BMP2K: variants seen among roughly 807,000 people sequenced by gnomAD.
BMP2K encodes the protein BMP-2-inducible protein kinase.
BMP2K carries 74 observed loss-of-function variants against 116.0 expected under a neutral mutation model. That is an observed-to-expected ratio of 0.64 (90% CI 0.53 to 0.77). The LOEUF (loss-of-function observed/expected upper bound fraction) is 0.77, where lower values mean the gene tolerates loss of function less well. Ranked by LOEUF, BMP2K falls within the 30% of genes least tolerant of loss-of-function variation. BMP2K has a pLI of 0.00. For missense variants in BMP2K, 1,365 were observed against 1,403.6 expected (o/e 0.97, Z 0.44); for synonymous variants, 486 against 502.5 (o/e 0.97, Z 0.44).
chr4:78,896,489 T>G (rs1337021882), intron 15 of BMP2K, among the ~76,000 whole-genome samples: 2 of 152,140 alleles, frequency 1.3e-5, no homozygotes, highest in Non-Finnish European at 2.9e-5. Context: ...GGGGTAATAG[T>G]CCATAACATG....
At chr4:78,837,937 C>T (rs1177343661) in intron 3 of BMP2K, among the ~76,000 whole-genome samples, 3 of 152,176 alleles carry the variant, frequency 2.0e-5, no homozygotes, top group Non-Finnish European at 4.4e-5. Flanking sequence ...CCAGTGTGGC[C>T]AGCTAATGTT....
At chr4:78,909,044 C>T (rs1388759805) in intron 15 of BMP2K, among the ~76,000 whole-genome samples, 1 of 149,674 alleles carries the variant, frequency 6.7e-6, no homozygotes, top group Non-Finnish European at 1.5e-5. Flanking sequence ...CCCTTCTTAC[C>T]TTCCCTTAGT....
rs201525858 is a variant in BMP2K, at chr4:78,850,193, AG to A, written c.751-730del. ...CTTAAATTTGAGCTGTTAGCACCTT[AG>A]CTAGAAATTTCCTGTGCTACTTTTA... On this transcript the variant is annotated intron_variant, in intron 6 of 15. Coordinates refer to ENST00000502613, the MANE Select transcript of BMP2K (RefSeq NM_198892.2). 5.6e-3 allele frequency among the ~76,000 whole-genome samples: 852 copies of A among 151,932 alleles called. 11 individuals carry two copies. The highest frequency in any genetic ancestry group is 0.019 in the African/African-American group (806 of 41,508).
chr4:78,879,817 A>G (rs977472203), intron 14 of BMP2K: 3 of 152,152 alleles, frequency 2.0e-5, no homozygotes, highest in Non-Finnish European at 4.4e-5. Context: ...CTGAATTGGT[A>G]TATATTTTAT....
chr4:78,841,879 A>G (rs947795732), intron 3 of BMP2K, among the ~76,000 whole-genome samples: 5 of 152,062 alleles, frequency 3.3e-5, no homozygotes, highest in African/African-American at 1.2e-4. Flanking sequence ...TCACTTCCTT[A>G]GACCTGATCT....
At chr4:78,812,325 T>C (rs1044820720) in intron 1 of BMP2K, among the ~76,000 whole-genome samples, 1 of 152,202 alleles carries the variant, frequency 6.6e-6, no homozygotes, top group Admixed American at 6.5e-5. Flanking sequence ...TTCTCTCAGC[T>C]ATAAATGATG....
intron 14 of BMP2K, among the ~76,000 whole-genome samples, chr4:78,886,224 C>T (rs955362401): frequency 6.6e-6 from 1 of 152,130 alleles, no homozygotes; most frequent in Non-Finnish European, 1.5e-5. Flanking sequence ...TATATCAACT[C>T]AAAACACACC....
chr4:78,819,423 G>A (rs545491535), intron 1 of BMP2K, among the ~76,000 whole-genome samples: 1 of 152,290 alleles, frequency 6.6e-6, no homozygotes, highest in South Asian at 2.1e-4. Context: ...ACCATTTATG[G>A]AATGAATTGT....
rs1334116267 is a variant in BMP2K, at chr4:78,911,001, T to C, written c.2454T>C (p.Ser818=). The C allele has an allele frequency of 4.3e-6, 7 of 1,613,676 alleles. No individual in the cohort carries two copies. In the Admixed American group the frequency reaches 1.2e-4, roughly 27 times the overall value. The change falls in exon 16 of 16, where the codon TCT becomes TCC. Residue 818 remains serine (S), a synonymous_variant. Transcript: ENST00000502613. ...QAKAKYSDMS[S]VYRDRSGSGP... Reference sequence around the variant, plus strand: ...AAGCAAAGTACAGTGACATGAGCTCTGTCTACAGAGACAGATCTGGCAGTG... The same window carrying C: ...AAGCAAAGTACAGTGACATGAGCTCCGTCTACAGAGACAGATCTGGCAGTG...
chr4:78,879,576 G>A (rs1732798676), intron 14 of BMP2K: 3 of 325,078 alleles, frequency 9.2e-6, no homozygotes, highest in African/African-American at 2.2e-5. Flanking sequence ...CCAAATAGGA[G>A]CAAAAAGCTC....
intron 3 of BMP2K, among the ~76,000 whole-genome samples, chr4:78,837,148 A>G (rs969717072): frequency 1.3e-5 from 2 of 151,312 alleles, no homozygotes; most frequent in Non-Finnish European, 2.9e-5. Context: ...GCTCTTCTAT[A>G]GAATTTTGTA....
intron 14 of BMP2K, among the ~76,000 whole-genome samples, chr4:78,885,883 G>T (rs964855955): frequency 9.2e-5 from 14 of 152,126 alleles, no homozygotes; most frequent in African/African-American, 2.7e-4. Context: ...TAGAGACAGA[G>T]TCTCTCTGTC....
chr4:78,802,768 C>CT (rs1214250450), intron 1 of BMP2K, among the ~76,000 whole-genome samples: 1 of 151,916 alleles, frequency 6.6e-6, no homozygotes, highest in Admixed American at 6.6e-5. Flanking sequence ...TGAGCTTGCT[C>CT]TATTATATTC....
Position 78,870,917 on chromosome 4 carries a change from C to T in BMP2K, c.1366C>T (p.Arg456Cys), listed in dbSNP as rs1398852922. 2.5e-6 allele frequency: 4 copies of T among 1,611,870 alleles called. No homozygotes were observed. Among genetic ancestry groups the T allele is most frequent in the African/African-American group, 1.4e-5 (1 of 73,564 alleles). ...ATTACAGCAACTCCATTTACAGCAT[C>T]GTCATCCTCACCAGCAGCAGCAGCA... ...WRLQQLHLQH[R>C]HPHQQQQQQQ... The change falls in exon 11 of 16, where the codon CGT becomes TGT. Residue 456 changes from arginine (R) to cysteine (C), a missense_variant. Transcript: ENST00000502613.
At chr4:78,817,164 C>A (rs1322823759) in intron 1 of BMP2K, among the ~76,000 whole-genome samples, 1 of 152,158 alleles carries the variant, frequency 6.6e-6, no homozygotes, top group Non-Finnish European at 1.5e-5. Context: ...ACATCCATAA[C>A]TATTATTCCT....
Position 78,829,792 on chromosome 4 carries a change from C to CTCTT in BMP2K, c.297+3638_297+3639insCTTT, listed in dbSNP as rs1560518721. 7.3e-3 allele frequency among the ~76,000 whole-genome samples: 464 copies of CTCTT among 63,428 alleles called. 4 individuals are homozygous for CTCTT. Among genetic ancestry groups the CTCTT allele is most frequent in the South Asian group, 0.043 (71 of 1,650 alleles). 41.6% of individuals were successfully genotyped at this position (63,428 alleles called of 152,430 possible). ...TTTCTTTTCTTTTCTTTTCTTTTCT[C>CTCTT]TTCTCTTCTCTTCTCTTCTCTTCTC... On this transcript the variant is annotated intron_variant, in intron 2 of 15. Transcript: ENST00000502613.
rs185880719 is a variant in BMP2K at position 78,865,287 on chromosome 4, C to A, written c.1068-270C>A. 2.6e-3 allele frequency among the ~76,000 whole-genome samples: 393 copies of A among 152,236 alleles called. 1 individual carries two copies. The highest frequency in any genetic ancestry group is 4.4e-3 in the Non-Finnish European group (302 of 68,004). On this transcript the variant is annotated intron_variant, in intron 9 of 15. Transcript: ENST00000502613. ...CAGTATCATTTCATCTCCTTAAGAG[C>A]AGTTTCTGGGACTATATTCTTTTTC...
intron 1 of BMP2K, among the ~76,000 whole-genome samples, chr4:78,780,553 C>G (rs1310111219): frequency 2.6e-5 from 4 of 152,164 alleles, no homozygotes; most frequent in African/African-American, 9.7e-5. Flanking sequence ...AGCATTATAT[C>G]TCATTTGCAG....
chr4:78,778,134 T>C (rs2109910776), intron 1 of BMP2K, among the ~76,000 whole-genome samples: 1 of 152,356 alleles, frequency 6.6e-6, no homozygotes, highest in Middle Eastern at 3.4e-3. Context: ...TTGAATTGTT[T>C]TAGTAACTAA....
Sources: gnomAD v4.1 joint callset for allele counts (sites outside exome capture counted in the v4.1 genomes callset) on GRCh38, gnomAD v4.1.1 for gene constraint, MANE v1.5 for transcripts, NCBI Gene and HGNC (gene_info 2026-07-23, HGNC 2026-07-21) for gene names.